Variants in COL25A1 observed in about 807,000 individuals in gnomAD.
The protein encoded by COL25A1 is collagen type XXV alpha 1 chain, also known as collagen alpha-1(XXV) chain.
COL25A1 carries 103 observed loss-of-function variants against 128.4 expected under a neutral mutation model. That is an observed-to-expected ratio of 0.80 (90% CI 0.68 to 0.94). COL25A1 has a LOEUF of 0.94. COL25A1 is among the 40% of genes least tolerant of loss of function. The pLI is 0.00. For synonymous variants in COL25A1, 279 were observed against 277.2 expected, an observed-to-expected ratio of 1.01 and a Z score of -0.06; for missense variants, 745 against 840.0, an observed-to-expected ratio of 0.89 and a Z score of 1.40.
At chr4:108,908,912 C>T (rs1216736963) in intron 13 of COL25A1, among the ~76,000 whole-genome samples, 5 of 152,050 alleles carry the variant, frequency 3.3e-5, no homozygotes, top group Non-Finnish European at 7.4e-5. Flanking sequence ...GGCCACAGAA[C>T]TGGTTGGCAG....
At chr4:109,165,366 G>C (rs979975230) in intron 3 of COL25A1, among the ~76,000 whole-genome samples, 1 of 152,096 alleles carries the variant, frequency 6.6e-6, no homozygotes. Flanking sequence ...GGCAAAATTA[G>C]AGCATACATA....
intron 11 of COL25A1, among the ~76,000 whole-genome samples, chr4:108,928,294 T>G (rs568329056): frequency 6.6e-6 from 1 of 152,308 alleles, no homozygotes; most frequent in East Asian, 1.9e-4. Context: ...GAAAAAGTTC[T>G]TAAATTTAAG....
intron 19 of COL25A1, among the ~76,000 whole-genome samples, chr4:108,876,238 G>A (rs1412414147): frequency 6.6e-6 from 1 of 151,694 alleles, no homozygotes; most frequent in Non-Finnish European, 1.5e-5. Flanking sequence ...CCTAACTAAG[G>A]TGAGAGAGAA....
intron 6 of COL25A1, among the ~76,000 whole-genome samples, chr4:108,992,665 A>G (rs985327728): frequency 6.6e-6 from 1 of 152,218 alleles, no homozygotes; most frequent in Non-Finnish European, 1.5e-5. Flanking sequence ...AACTACCATA[A>G]TGAAGGAAAC....
At chr4:109,299,768 G>A (rs1376056577) in intron 3 of COL25A1, among the ~76,000 whole-genome samples, 6 of 152,052 alleles carry the variant, frequency 3.9e-5, no homozygotes, top group African/African-American at 7.2e-5. Flanking sequence ...TGACTTACAT[G>A]AGTTGAATCC....
chr4:109,242,270 C>G (rs1020909364), intron 3 of COL25A1, among the ~76,000 whole-genome samples: 1 of 152,090 alleles, frequency 6.6e-6, no homozygotes, highest in Non-Finnish European at 1.5e-5. Flanking sequence ...AACAATTTTT[C>G]TAACAGCCTA....
rs76376404 is a variant in COL25A1 at position 108,950,912 on chromosome 4, G to A, written c.493-9475C>T. ...AATTAGTGCTCTGGTTAGAGGAGCAGGCAGTACTTAAGCTTATTCTGTCTG... is the reference window on the plus strand; with the variant it reads ...AATTAGTGCTCTGGTTAGAGGAGCAAGCAGTACTTAAGCTTATTCTGTCTG... On this transcript the variant is annotated intron_variant, in intron 8 of 37. Transcript: ENST00000399132. Among the ~76,000 whole-genome samples the A allele has an allele frequency of 8.2e-4, 125 of 152,302 alleles. 1 individual carries two copies. The East Asian group carries it at 0.022, about 27-fold the overall frequency.
intron 6 of COL25A1, among the ~76,000 whole-genome samples, chr4:109,002,728 T>C (rs1388846652): frequency 2.6e-5 from 4 of 152,184 alleles, no homozygotes; most frequent in Non-Finnish European, 2.9e-5. Context: ...CAGTCTTTAT[T>C]TGTCTACTAA....
intron 6 of COL25A1, among the ~76,000 whole-genome samples, chr4:109,006,910 G>C (rs2126039243): frequency 6.6e-6 from 1 of 152,220 alleles, no homozygotes; most frequent in Admixed American, 6.5e-5. Context: ...CACCTGTGGG[G>C]GCTTGGGGGA....
At chr4:109,113,562 A>C (rs1465759219) in intron 3 of COL25A1, among the ~76,000 whole-genome samples, 1 of 152,116 alleles carries the variant, frequency 6.6e-6, no homozygotes, top group Non-Finnish European at 1.5e-5. Context: ...TTAATGTTAA[A>C]ATGTTAATGG....
intron 3 of COL25A1, among the ~76,000 whole-genome samples, chr4:109,220,810 A>G (rs547033144): frequency 6.6e-6 from 1 of 152,266 alleles, no homozygotes; most frequent in South Asian, 2.1e-4. Context: ...TTTATTCCCT[A>G]TAATACTGTT....
intron 6 of COL25A1, among the ~76,000 whole-genome samples, chr4:109,009,090 C>T (rs1756330438): frequency 6.6e-6 from 1 of 152,152 alleles, no homozygotes; most frequent in Non-Finnish European, 1.5e-5. Flanking sequence ...CCATTGCACT[C>T]CAGCCTGGGC....
rs544085992 is a variant in COL25A1 at position 108,813,711 on chromosome 4, G to C, written c.*216C>G. ...TCTTCACATAAGATAAGGAGATACT[G>C]ATCTATATTTTTTGCAGGATTCTCA... On this transcript the variant is annotated 3_prime_UTR_variant, in exon 38 of 38. Coordinates refer to ENST00000399132, the MANE Select transcript of COL25A1 (RefSeq NM_198721.4). 1.8e-3 allele frequency: 935 copies of C among 524,132 alleles called. 1 individual carries two copies. Among genetic ancestry groups the C allele is most frequent in the Middle Eastern group, 4.8e-3 (13 of 2,710 alleles). 32.5% of individuals were successfully genotyped at this position (524,132 alleles called of 1,614,324 possible). A position where few individuals can be genotyped will look rare whatever the true frequency, so the allele number is the denominator to read the frequency against.
chr4:109,050,259 A>G (rs754866757), intron 3 of COL25A1, 80 bp from the exon 4 acceptor site: 2 of 1,025,880 alleles, frequency 1.9e-6, no homozygotes, highest in African/African-American at 3.3e-5. Flanking sequence ...TAATTTATAT[A>G]TATTTTCTCA....
intron 8 of COL25A1, among the ~76,000 whole-genome samples, chr4:108,963,142 A>T (rs928418571): frequency 6.6e-6 from 1 of 152,198 alleles, no homozygotes. Flanking sequence ...TATTCCACCC[A>T]TTCTGAAGGG....
At chr4:108,829,848 G>A (rs548512292) in intron 32 of COL25A1, among the ~76,000 whole-genome samples, 4 of 152,062 alleles carry the variant, frequency 2.6e-5, no homozygotes, top group South Asian at 2.1e-4. Flanking sequence ...GGCATCAGCC[G>A]GGAAGCTCTG....
At chr4:109,177,255 G>C (rs530943725) in intron 3 of COL25A1, among the ~76,000 whole-genome samples, 1 of 152,270 alleles carries the variant, frequency 6.6e-6, no homozygotes, top group Admixed American at 6.5e-5. Context: ...ACTCCTTTCA[G>C]AGTCTCAATT....
At chr4:109,126,231 CA>C (rs1387654637) in intron 3 of COL25A1, among the ~76,000 whole-genome samples, 2 of 152,078 alleles carry the variant, frequency 1.3e-5, no homozygotes, top group African/African-American at 4.8e-5. Flanking sequence ...TAAATGTTGA[CA>C]TTTTTTTCTA....
chr4:108,994,504 T>C (rs927244394), intron 6 of COL25A1, among the ~76,000 whole-genome samples: 6 of 152,224 alleles, frequency 3.9e-5, no homozygotes, highest in Non-Finnish European at 7.3e-5. Flanking sequence ...CAAGGCCTAC[T>C]GCCTCTATAG....
Sources: allele counts gnomAD v4.1 joint callset (sites outside exome capture counted in the v4.1 genomes callset), GRCh38; gene constraint gnomAD v4.1.1; transcripts MANE v1.5; gene names NCBI Gene and HGNC (gene_info 2026-07-23, HGNC 2026-07-21).